The following GPM6A variants were observed in gnomAD, a reference collection of about 807,000 sequenced individuals.
The protein encoded by GPM6A is neuronal membrane glycoprotein M6-a.
Under a neutral mutation model 32.1 loss-of-function variants are expected in GPM6A, and 7 were observed. That is an observed-to-expected ratio of 0.22 (90% CI 0.12 to 0.41). The LOEUF (loss-of-function observed/expected upper bound fraction) is 0.41. Ranked by LOEUF, GPM6A falls within the 10% of genes least tolerant of loss-of-function variation. The pLI, the probability that GPM6A is intolerant of heterozygous loss-of-function variation, is 1.00. For missense variants in GPM6A, 235 were observed against 347.2 expected, an observed-to-expected ratio of 0.68 and a Z score of 2.57; for synonymous variants, 130 against 123.4, an observed-to-expected ratio of 1.05 and a Z score of -0.35.
At chr4:175,904,170 T>A (rs1417438293) in intron 1 of GPM6A, among the ~76,000 whole-genome samples, 1 of 151,974 alleles carries the variant, frequency 6.6e-6, no homozygotes, top group Non-Finnish European at 1.5e-5. Context: ...TCATTCTTAA[T>A]AAAAAAAGTT....
At chr4:175,637,503 T>G (rs1483959412) in intron 6 of GPM6A, among the ~76,000 whole-genome samples, 84 of 3,834 alleles carry the variant, frequency 0.022, no homozygotes, top group African/African-American at 0.05. Context: ...TATATATATA[T>G]AAAACCTTTA....
chr4:175,978,334 T>G (rs1490019790), intron 1 of GPM6A, among the ~76,000 whole-genome samples: 3 of 152,136 alleles, frequency 2.0e-5, no homozygotes, highest in Non-Finnish European at 4.4e-5. Flanking sequence ...CTAACTATCA[T>G]GAGAACAGCA....
At chr4:175,929,502 G>A (rs1283267477) in intron 1 of GPM6A, among the ~76,000 whole-genome samples, 1 of 152,134 alleles carries the variant, frequency 6.6e-6, no homozygotes, top group Non-Finnish European at 1.5e-5. Context: ...AAGTAATATG[G>A]TTCTGCATTT....
intron 1 of GPM6A, among the ~76,000 whole-genome samples, chr4:175,733,932 T>C (rs1391471285): frequency 1.3e-5 from 2 of 152,122 alleles, no homozygotes; most frequent in Non-Finnish European, 2.9e-5. Context: ...ATTTCTGGCA[T>C]TCCTATTTAA....
rs1406326139 is a variant in GPM6A at position 175,636,280 on chromosome 4, A to ATATATATG, written c.685-1224_685-1223insCATATATA. Among the ~76,000 whole-genome samples the ATATATATG allele has an allele frequency of 2.5e-4, 34 of 137,922 alleles. 1 individual carries two copies. The highest frequency in any genetic ancestry group is 4.7e-4 in the Non-Finnish European group (30 of 63,508). The allele number at this position is 137,922 out of a possible 152,430, so 90.5% of individuals were successfully genotyped here. On this transcript the variant is annotated intron_variant, in intron 6 of 6. Transcript: ENST00000393658. ...TCACTGTATATATATATATATATAT[A>ATATATATG]TATATATATATATATATACATATAT...
intron 1 of GPM6A, among the ~76,000 whole-genome samples, chr4:175,856,762 A>G (rs1473904500): frequency 1.3e-5 from 2 of 151,238 alleles, no homozygotes; most frequent in African/African-American, 4.9e-5. Context: ...TCCCAGTTGA[A>G]CTCCTCTCAA....
At chr4:175,977,608 A>G (rs1740698524) in intron 1 of GPM6A, among the ~76,000 whole-genome samples, 1 of 152,230 alleles carries the variant, frequency 6.6e-6, no homozygotes, top group South Asian at 2.1e-4. Flanking sequence ...CCTTGTGATT[A>G]CAAACTTGTA....
intron 1 of GPM6A, among the ~76,000 whole-genome samples, chr4:175,840,341 T>C (rs1323259741): frequency 6.6e-6 from 1 of 152,218 alleles, no homozygotes; most frequent in Non-Finnish European, 1.5e-5. Flanking sequence ...AAGTGCATAT[T>C]GAATCTCTTT....
At position 175,948,959 on chromosome 4, in the gene GPM6A, G is replaced by GTGTA. The variant is rs1491457198; in HGVS notation, c.-23+53349_-23+53350insTACA. 3.3e-3 allele frequency among the ~76,000 whole-genome samples: 10 copies of GTGTA among 3,022 alleles called. No individual in the cohort carries two copies. In the South Asian group the frequency reaches 0.04, roughly 12 times the overall value. 2.0% of individuals were successfully genotyped at this position (3,022 alleles called of 152,430 possible). A position where few individuals can be genotyped will look rare whatever the true frequency, so the allele number is the denominator to read the frequency against. ...CCAACAAGACTGCATTTGGTGGTAA[G>GTGTA]TGTGTGTGTGTGTGTGTGTGTGTGT... On this transcript the variant is annotated intron_variant, in intron 1 of 7. Transcript: ENST00000280187.
In GPM6A at chr4:175,637,238, TATATA is replaced by T. The variant is rs1740709635; in HGVS notation, c.685-2186_685-2182del. Among the ~76,000 whole-genome samples the T allele has an allele frequency of 1.3e-4, 5 of 39,086 alleles. 1 individual carries two copies. Among genetic ancestry groups the T allele is most frequent in the Admixed American group, 5.0e-4 (1 of 2,008 alleles). The allele number at this position is 39,086 out of a possible 152,430, so 25.6% of individuals were successfully genotyped here. A position where few individuals can be genotyped will look rare whatever the true frequency, so the allele number is the denominator to read the frequency against. ...ATCATATATAATATAAAATATATAT[TATATA>T]TTATATATAATATAAAATATATATT... On this transcript the variant is annotated intron_variant, in intron 6 of 6. Coordinates refer to ENST00000393658, the MANE Select transcript of GPM6A (RefSeq NM_201591.3).
At chr4:175,939,086 T>C (rs1739328050) in intron 1 of GPM6A, among the ~76,000 whole-genome samples, 1 of 152,180 alleles carries the variant, frequency 6.6e-6, no homozygotes, top group Non-Finnish European at 1.5e-5. Context: ...AAATATGCCA[T>C]ACCTAAAGAT....
chr4:175,684,552 A>ATTT (rs1743867792), intron 2 of GPM6A, among the ~76,000 whole-genome samples: 1 of 152,194 alleles, frequency 6.6e-6, no homozygotes, highest in African/African-American at 2.4e-5. Flanking sequence ...GATAAAATCA[A>ATTT]TTTTATCTAA....
intron 1 of GPM6A, among the ~76,000 whole-genome samples, chr4:175,843,594 A>C (rs558723917): frequency 3.3e-5 from 5 of 152,304 alleles, no homozygotes; most frequent in African/African-American, 1.2e-4. Context: ...GGCGAGCTTC[A>C]TAGGCAGGCA....
chr4:175,650,730 C>T (rs1056730808), intron 4 of GPM6A, among the ~76,000 whole-genome samples: 1 of 152,112 alleles, frequency 6.6e-6, no homozygotes, highest in African/African-American at 2.4e-5. Flanking sequence ...GTTGGCTACC[C>T]TATAATCTAC....
chr4:175,870,751 T>C (rs968638626), intron 1 of GPM6A, among the ~76,000 whole-genome samples: 2 of 152,178 alleles, frequency 1.3e-5, no homozygotes, highest in Non-Finnish European at 2.9e-5. Flanking sequence ...AGGGTTCTCC[T>C]ATGGTTAGAC....
chr4:175,837,212 C>G (rs768578809), intron 1 of GPM6A, among the ~76,000 whole-genome samples: 8 of 152,050 alleles, frequency 5.3e-5, no homozygotes, highest in Non-Finnish European at 1.0e-4. Flanking sequence ...ATACAGGGAA[C>G]CTCTAGAAAG....
intron 1 of GPM6A, among the ~76,000 whole-genome samples, chr4:175,783,341 T>C (rs1385569314): frequency 6.6e-6 from 1 of 151,944 alleles, no homozygotes; most frequent in East Asian, 1.9e-4. Flanking sequence ...TTGTGAATTA[T>C]TCATGATGTT....
intron 6 of GPM6A, among the ~76,000 whole-genome samples, chr4:175,637,297 T>A (rs1190139901): frequency 4.4e-4 from 21 of 47,250 alleles, no homozygotes; most frequent in East Asian, 1.4e-3. Context: ...AAAATATATA[T>A]TATATATTAT....
At chr4:175,927,891 A>T (rs73014064) in intron 1 of GPM6A, among the ~76,000 whole-genome samples, 1,572 of 152,154 alleles carry the variant, frequency 0.01, 29 homozygotes, top group African/African-American at 0.034. Flanking sequence ...TCTCAAAAAG[A>T]AAAAAAAGAA....
Sources: gnomAD v4.1 joint callset for allele counts (sites outside exome capture counted in the v4.1 genomes callset) on GRCh38, gnomAD v4.1.1 for gene constraint, MANE v1.5 for transcripts, NCBI Gene and HGNC (gene_info 2026-07-23, HGNC 2026-07-21) for gene names.